Variants in IFT81 observed in about 807,000 individuals in gnomAD.
The protein encoded by IFT81 is intraflagellar transport protein 81 homolog.
A neutral mutation model predicts 102.6 loss-of-function variants in IFT81; 72 were observed. The observed-to-expected ratio is 0.70, with a 90% CI of 0.58 to 0.85. IFT81 has a LOEUF of 0.85. Among genes scored for constraint, IFT81 ranks in the 40% least tolerant of loss-of-function variants. The probability of loss-of-function intolerance (pLI) is 0.00; values close to 1 mark genes in which losing one functional copy is unlikely to be tolerated. For missense variants in IFT81, 723 were observed against 787.3 expected (o/e 0.92, Z 0.98); for synonymous variants, 237 against 242.7 (o/e 0.98, Z 0.22).
In IFT81 at chr12:110,132,642, G is replaced by A. The variant is rs1402175766; in HGVS notation, c.519+6G>A. 2.7e-6 allele frequency: 4 copies of A among 1,464,872 alleles called. No individual in the cohort carries two copies. The highest frequency in any genetic ancestry group is 3.8e-6 in the Non-Finnish European group (4 of 1,058,992). The allele number at this position is 1,464,872 out of a possible 1,614,324, so 90.7% of individuals were successfully genotyped here. A position where few individuals can be genotyped will look rare whatever the true frequency, so the allele number is the denominator to read the frequency against. ...CTACAGCAGAAATAAGAAAGGTAAA[G>A]GAAAGAAAACATAGTAACAATTTTT... On this transcript the variant is annotated splice_donor_region_variant and intron_variant, in intron 5 of 18. Coordinates refer to ENST00000242591, the MANE Select transcript of IFT81 (RefSeq NM_014055.4).
intron 10 of IFT81, 109 bp downstream of exon 10, chr12:110,147,157 G>C: frequency 2.6e-6 from 2 of 757,952 alleles, no homozygotes; most frequent in South Asian, 5.4e-5. Flanking sequence ...AATAAATGTT[G>C]TTCTGTCACT....
In IFT81 at chr12:110,137,548, A is replaced by C. The variant is rs542155750; in HGVS notation, c.781+688A>C. On this transcript the variant is annotated intron_variant, in intron 8 of 18. Coordinates refer to ENST00000242591, the MANE Select transcript of IFT81 (RefSeq NM_014055.4). Reference sequence around the variant, plus strand: ...CAGGAGTTCGAGACCAACCTGGCCAACATGGTGAAACCCTGTTTCTACTAA... The same window carrying C: ...CAGGAGTTCGAGACCAACCTGGCCACCATGGTGAAACCCTGTTTCTACTAA... Among the ~76,000 whole-genome samples the C allele has an allele frequency of 2.0e-5, 3 of 152,246 alleles. No homozygotes were observed. In the South Asian group the frequency reaches 6.2e-4, roughly 32 times the overall value.
At chr12:110,187,871 T>C (rs1479513551) in intron 12 of IFT81, among the ~76,000 whole-genome samples, 3 of 152,210 alleles carry the variant, frequency 2.0e-5, no homozygotes, top group Non-Finnish European at 2.9e-5. Context: ...TCCAAGGATG[T>C]AGGTCTTACT....
intron 14 of IFT81, among the ~76,000 whole-genome samples, chr12:110,194,755 C>CTAA (rs1201621367): frequency 6.6e-6 from 1 of 152,180 alleles, no homozygotes; most frequent in Non-Finnish European, 1.5e-5. Context: ...CATGACTTAA[C>CTAA]AGCTCCATAT....
intron 14 of IFT81, among the ~76,000 whole-genome samples, chr12:110,196,075 T>G (rs1197945564): frequency 6.6e-6 from 1 of 152,206 alleles, no homozygotes; most frequent in Non-Finnish European, 1.5e-5. Context: ...GTAAAATGTT[T>G]CACGGAAACT....
At chr12:110,150,086 TTTTG>T (rs894171600) in intron 10 of IFT81, among the ~76,000 whole-genome samples, 5 of 152,000 alleles carry the variant, frequency 3.3e-5, no homozygotes, top group Admixed American at 6.6e-5. Context: ...CTCGTTGATT[TTTTG>T]TTTGTTTGTT....
rs185774910 is a variant in IFT81 at position 110,187,795 on chromosome 12, G to A, written c.1339-3125G>A. Among the ~76,000 whole-genome samples, 3 of 152,222 alleles carry A rather than the reference G, an allele frequency of 2.0e-5. No individual in the cohort carries two copies. In the East Asian group the frequency reaches 5.8e-4, roughly 29 times the overall value. ...TTTTTCTTAAGCTGGTATTTCTCCAGTTTTCTCTTAATCCAAAGATATAGT... is the reference window on the plus strand; with the variant it reads ...TTTTTCTTAAGCTGGTATTTCTCCAATTTTCTCTTAATCCAAAGATATAGT... On this transcript the variant is annotated intron_variant, in intron 12 of 18. Coordinates refer to ENST00000242591, the MANE Select transcript of IFT81 (RefSeq NM_014055.4).
At chr12:110,184,895 A>G (rs1897456176) in intron 12 of IFT81, among the ~76,000 whole-genome samples, 1 of 152,230 alleles carries the variant, frequency 6.6e-6, no homozygotes, top group South Asian at 2.1e-4. Flanking sequence ...CCAGAGGGGC[A>G]GCAGCTATGG....
chr12:110,131,570 A>C (rs1234373861), intron 4 of IFT81, among the ~76,000 whole-genome samples: 2 of 151,686 alleles, frequency 1.3e-5, no homozygotes, highest in African/African-American at 2.4e-5. Flanking sequence ...CTGGTCTCGA[A>C]CTCCTGACCT....
chr12:110,183,332 T>C (rs1897387031), intron 12 of IFT81, among the ~76,000 whole-genome samples: 1 of 152,176 alleles, frequency 6.6e-6, no homozygotes, highest in Non-Finnish European at 1.5e-5. Flanking sequence ...TCCGATGTTA[T>C]TAAATTGCCA....
intron 11 of IFT81, among the ~76,000 whole-genome samples, chr12:110,175,837 C>G (rs1374144395): frequency 6.6e-6 from 1 of 151,938 alleles, no homozygotes; most frequent in Non-Finnish European, 1.5e-5. Flanking sequence ...TATTTTTAGA[C>G]AGAGTCTGTC....
chr12:110,188,224 C>T (rs1467647583), intron 12 of IFT81, among the ~76,000 whole-genome samples: 4 of 150,834 alleles, frequency 2.7e-5, no homozygotes, highest in South Asian at 4.2e-4. Flanking sequence ...CCCAGCTGCT[C>T]GGGAGGCTGA....
chr12:110,181,782 T>C (rs1326409349), intron 12 of IFT81, among the ~76,000 whole-genome samples: 1 of 152,180 alleles, frequency 6.6e-6, no homozygotes, highest in Non-Finnish European at 1.5e-5. Flanking sequence ...TATTTTTTTC[T>C]TAAGTTGGGT....
chr12:110,159,082 A>G (rs753298182), intron 10 of IFT81, among the ~76,000 whole-genome samples: 4 of 152,206 alleles, frequency 2.6e-5, no homozygotes, highest in Non-Finnish European at 5.9e-5. Context: ...TCTGGAAATT[A>G]GGTTCTCTCT....
In IFT81 at chr12:110,179,748, A is replaced by ATG. The variant is rs1566148501; in HGVS notation, c.1189-673_1189-672insGT. Among the ~76,000 whole-genome samples, 2 of 47,158 alleles carry ATG rather than the reference A, an allele frequency of 4.2e-5. 1 individual carries two copies. The highest frequency in any genetic ancestry group is 7.3e-5 in the Non-Finnish European group (2 of 27,462). 30.9% of individuals were successfully genotyped at this position (47,158 alleles called of 152,430 possible). ...ATTATATATATATATATATATATAT[A>ATG]TATATATATATATATATATATATAT... On this transcript the variant is annotated intron_variant, in intron 11 of 18. Transcript: ENST00000242591.
At position 110,192,630 on chromosome 12, in the gene IFT81, A is replaced by G; in HGVS notation, c.1481A>G (p.Tyr494Cys). The change falls in exon 14 of 19, where the codon TAT (tyrosine) becomes TGT (cysteine). Residue 494 changes from tyrosine (Y) to cysteine (C), a missense_variant. Tyr to Cys is a radical substitution (Grantham distance 194, BLOSUM62 -2). Transcript: ENST00000242591. ...DDMSEMVKKL[Y>C]SLVSEKKSAL... is the part of the protein sequence containing the mutation. Reference sequence around the variant, plus strand: ...TTCAAATAACAGGTGAAAAAACTGTATTCATTGGTATCTGAAAAGAAGTCA... The same window carrying G: ...TTCAAATAACAGGTGAAAAAACTGTGTTCATTGGTATCTGAAAAGAAGTCA... 3 of 1,569,060 alleles carry G rather than the reference A, an allele frequency of 1.9e-6. No individual in the cohort carries two copies. The highest frequency in any genetic ancestry group is 2.6e-6 in the Non-Finnish European group (3 of 1,155,100).
chr12:110,183,061 C>T (rs1042926348), intron 12 of IFT81, among the ~76,000 whole-genome samples: 2 of 152,208 alleles, frequency 1.3e-5, no homozygotes, highest in Admixed American at 1.3e-4. Context: ...GTCAGGCCAT[C>T]AGCTTTCCAG....
intron 10 of IFT81, among the ~76,000 whole-genome samples, chr12:110,154,027 C>T (rs1277711669): frequency 2.0e-5 from 3 of 151,152 alleles, no homozygotes; most frequent in East Asian, 2.0e-4. Context: ...TCTGTCACCT[C>T]GGCTGGAGTG....
At position 110,135,007 on chromosome 12, in the gene IFT81, GA is replaced by G; in HGVS notation, c.583del (p.Arg195GlyfsTer14). 1 of 1,608,596 alleles carries G rather than the reference GA, an allele frequency of 6.2e-7. No homozygotes were observed. Among genetic ancestry groups the G allele is most frequent in the Non-Finnish European group, 8.5e-7 (1 of 1,177,628 alleles). ...TCATTAAGAGAGTTGAACATTTGAA[GA>G]AAAGGGTAAGGCAGAATTAGTACTG... Reference protein sequence around the residue: ...QLIKRVEHLKKRVETAQNHQW... With the variant: ...QLIKRVEHLKXRVETAQNHQW... On this transcript the variant is annotated frameshift_variant, in exon 6 of 19. Transcript: ENST00000242591. LOFTEE classifies it high-confidence loss of function.
Sources: allele counts gnomAD v4.1 joint callset (sites outside exome capture counted in the v4.1 genomes callset), GRCh38; gene constraint gnomAD v4.1.1; transcripts MANE v1.5; gene names NCBI Gene and HGNC (gene_info 2026-07-23, HGNC 2026-07-21).